Variants in DBT observed in about 807,000 individuals in gnomAD.
DBT encodes the protein dihydrolipoamide branched chain transacylase E2, also known as lipoamide acyltransferase component of branched-chain alpha-keto acid dehydrogenase complex, mitochondrial.
Under a neutral mutation model 51.3 loss-of-function variants are expected in DBT, and 40 were observed. That is an observed-to-expected ratio of 0.78 (90% confidence interval 0.61 to 1.02). The LOEUF is 1.02. Among genes scored for constraint, DBT ranks in the 50% least tolerant of loss-of-function variants. The probability of loss-of-function intolerance (pLI) is 0.00; values close to 1 mark genes in which losing one functional copy is unlikely to be tolerated. For missense variants in DBT, 510 were observed against 580.2 expected, an observed-to-expected ratio of 0.88 and a Z score of 1.24; for synonymous variants, 181 against 190.4, an observed-to-expected ratio of 0.95 and a Z score of 0.41.
At position 100,206,242 on chromosome 1, in the gene DBT, A is replaced by G. The variant is rs760929997; in HGVS notation, c.1269T>C (p.Leu423=). 64 of 1,612,132 alleles carry G rather than the reference A, an allele frequency of 4.0e-5. No individual in the cohort carries two copies. The highest frequency in any genetic ancestry group is 5.2e-5 in the Non-Finnish European group (61 of 1,178,484). Residue 423 remains leucine, a synonymous_variant, in exon 10 of 11, where the codon CTT becomes CTC. Coordinates refer to ENST00000370132, the MANE Select transcript of DBT (RefSeq NM_001918.5). ...CTAATACATGTACCTTAATTGATCC[A>G]AGGGCCCCAATGGCTACTTCAGGTG... ...IMPPEVAIGA[L]GSIKAIPRFN...
intron 1 of DBT, among the ~76,000 whole-genome samples, chr1:100,248,867 T>C (rs886444409): frequency 1.3e-5 from 2 of 152,218 alleles, no homozygotes; most frequent in Non-Finnish European, 2.9e-5. Context: ...TGTGTGTTCC[T>C]GTAGTTCTAG....
Position 100,235,508 on chromosome 1 carries a change from A to C in DBT, c.179T>G (p.Leu60Arg). ...PHHFLKTTAA[L>R]RGQVVQFKLS... Reference sequence around the variant, plus strand: ...CTTGAACTGAACAACCTGTCCACGGAGAGCTTCAAAGACAAATGAGAAATG... The same window carrying C: ...CTTGAACTGAACAACCTGTCCACGGCGAGCTTCAAAGACAAATGAGAAATG... The change falls in exon 3 of 11, where the codon CTC (leucine) becomes CGC (arginine). Residue 60 changes from leucine to arginine, a missense_variant. Coordinates refer to ENST00000370132, the MANE Select transcript of DBT (RefSeq NM_001918.5). 2 of 1,560,476 alleles carry C rather than the reference A, an allele frequency of 1.3e-6. No individual in the cohort carries two copies. The highest frequency in any genetic ancestry group is 2.2e-5 in the South Asian group (2 of 89,192).
chr1:100,224,091 T>G (rs1663026378), intron 4 of DBT, among the ~76,000 whole-genome samples: 1 of 152,196 alleles, frequency 6.6e-6, no homozygotes, highest in South Asian at 2.1e-4. Context: ...TACTATAGAA[T>G]ATAATTAGCA....
rs996586955 is a variant in DBT, at chr1:100,194,266, C to T, written c.*1989G>A. 1.3e-5 allele frequency: 2 copies of T among 151,912 alleles called. No homozygotes were observed. Among genetic ancestry groups the T allele is most frequent in the Admixed American group, 6.6e-5 (1 of 15,236 alleles). The allele number at this position is 151,912 out of a possible 1,614,324, so 9.4% of individuals were successfully genotyped here. A position where few individuals can be genotyped will look rare whatever the true frequency, so the allele number is the denominator to read the frequency against. On this transcript the variant is annotated 3_prime_UTR_variant, in exon 11 of 11. Transcript: ENST00000370132. ...CACTACAGCTTTGAACTCCTGGGCTCAATTGATCCTCTTGTCTCAGCTTCC... is the reference window on the plus strand; with the variant it reads ...CACTACAGCTTTGAACTCCTGGGCTTAATTGATCCTCTTGTCTCAGCTTCC...
In DBT at chr1:100,195,549, T is replaced by C. The variant is rs556974426; in HGVS notation, c.*706A>G. Reference sequence around the variant, plus strand: ...CATAATAACGGAAATGGAAAATATTTTTGTATATAAATTCCATTTCTTAAT... The same window carrying C: ...CATAATAACGGAAATGGAAAATATTCTTGTATATAAATTCCATTTCTTAAT... On this transcript the variant is annotated 3_prime_UTR_variant, in exon 11 of 11. Transcript: ENST00000370132. 1 of 152,378 alleles carries C rather than the reference T, an allele frequency of 6.6e-6. No homozygotes were observed. Among genetic ancestry groups the C allele is most frequent in the East Asian group, 1.9e-4 (1 of 5,196 alleles). 9.4% of individuals were successfully genotyped at this position (152,378 alleles called of 1,614,324 possible). A position where few individuals can be genotyped will look rare whatever the true frequency, so the allele number is the denominator to read the frequency against.
intron 1 of DBT, 131 bp downstream of exon 1, chr1:100,249,639 A>C: frequency 1.1e-6 from 1 of 890,458 alleles, no homozygotes; most frequent in Non-Finnish European, 1.9e-6. Flanking sequence ...TTTATTTTGC[A>C]TGCATCCCTT....
At chr1:100,201,775 T>C (rs1411209394) in intron 10 of DBT, among the ~76,000 whole-genome samples, 1 of 152,138 alleles carries the variant, frequency 6.6e-6, no homozygotes, top group Non-Finnish European at 1.5e-5. Context: ...AAAAGAATTT[T>C]CACCCCAGAA....
chr1:100,225,826 C>CAAAAAAAAAAA (rs71084809), intron 4 of DBT, among the ~76,000 whole-genome samples: 1 of 86,880 alleles, frequency 1.2e-5, no homozygotes. Flanking sequence ...CTCCATCTCA[C>CAAAAAAAAAAA]AAAAAAAAAA....
Position 100,188,687 on chromosome 1 carries a change from T to C in DBT, c.*7568A>G, listed in dbSNP as rs1660680554. 6.6e-6 allele frequency: 1 copy of C among 152,276 alleles called. No homozygotes were observed. The highest frequency in any genetic ancestry group is 2.4e-5 in the African/African-American group (1 of 41,454). The allele number at this position is 152,276 out of a possible 1,614,324, so 9.4% of individuals were successfully genotyped here. ...CTCATTTCTTCTGTCCTGTCTCTTG[T>C]TGAGTCACAACAGCTGTTCCCCATG... On this transcript the variant is annotated 3_prime_UTR_variant, in exon 11 of 11. Coordinates refer to ENST00000370132, the MANE Select transcript of DBT (RefSeq NM_001918.5).
At position 100,230,815 on chromosome 1, in the gene DBT, G is replaced by A. The variant is rs767953425; in HGVS notation, c.351C>T (p.Val117=). ...CTAGATTATAATAGAGTTTTTTAAT[G>A]ACTCCATCATAACGACTAGTGATGG... ...SVTITSRYDG[V]IKKLYYNLDD... is the part of the protein sequence containing the mutation. The change falls in exon 4 of 11, where the codon GTC becomes GTT. Residue 117 remains valine, a synonymous_variant. Transcript: ENST00000370132. 2 of 1,606,772 alleles carry A rather than the reference G, an allele frequency of 1.2e-6. No homozygotes were observed. The highest frequency in any genetic ancestry group is 4.5e-5 in the East Asian group (2 of 44,732).
chr1:100,238,958 C>G (rs1014262547), intron 2 of DBT, among the ~76,000 whole-genome samples: 1 of 152,078 alleles, frequency 6.6e-6, no homozygotes, highest in African/African-American at 2.4e-5. Flanking sequence ...GAAGAGAAAC[C>G]TTAATAAGTA....
chr1:100,210,871 C>CT, intron 7 of DBT, 100 bp from the exon 8 acceptor site: 2 of 1,569,882 alleles, frequency 1.3e-6, no homozygotes, highest in Non-Finnish European at 1.7e-6. Context: ...AGAGAGAACT[C>CT]TTATTTATGC....
chr1:100,227,899 A>C (rs1663312394), intron 4 of DBT, among the ~76,000 whole-genome samples: 1 of 151,606 alleles, frequency 6.6e-6, no homozygotes, highest in East Asian at 1.9e-4. Context: ...CCCAGGCTGG[A>C]GTGCAGGGGC....
intron 7 of DBT, among the ~76,000 whole-genome samples, chr1:100,214,609 C>G (rs1662373234): frequency 6.6e-6 from 1 of 152,114 alleles, no homozygotes. Context: ...ACAAAATTAG[C>G]CAGGCGTGGT....
rs187285564 is a variant in DBT, at chr1:100,208,156, C to A, written c.1018-1520G>T. Among the ~76,000 whole-genome samples the A allele has an allele frequency of 9.2e-3, 1,403 of 151,914 alleles. 22 individuals are homozygous for A. The highest frequency in any genetic ancestry group is 0.033 in the African/African-American group (1,351 of 41,432). Reference sequence around the variant, plus strand: ...TCTCCAAAACAAAAACAAAAAAAAACAAATCCAACTTTGTTTCATGCACAA... The same window carrying A: ...TCTCCAAAACAAAAACAAAAAAAAAAAAATCCAACTTTGTTTCATGCACAA... On this transcript the variant is annotated intron_variant, in intron 8 of 10. Coordinates refer to ENST00000370132, the MANE Select transcript of DBT (RefSeq NM_001918.5).
intron 2 of DBT, among the ~76,000 whole-genome samples, chr1:100,237,827 G>A (rs930289226): frequency 6.6e-6 from 1 of 151,920 alleles, no homozygotes; most frequent in Non-Finnish European, 1.5e-5. Context: ...TTATAGAGGT[G>A]AGGTCTCACT....
intron 3 of DBT, among the ~76,000 whole-genome samples, 186 bp downstream of exon 3, chr1:100,235,250 C>T (rs1421543945): frequency 2.6e-5 from 4 of 152,132 alleles, no homozygotes; most frequent in Non-Finnish European, 5.9e-5. Context: ...CAAAGTCCTT[C>T]ACCACTATAT....
chr1:100,226,283 C>CTTTTT (rs71084810), intron 4 of DBT, among the ~76,000 whole-genome samples: 2 of 86,656 alleles, frequency 2.3e-5, no homozygotes, highest in African/African-American at 4.2e-5. Context: ...TAAATTATGC[C>CTTTTT]TTTTTTTTTT....
intron 8 of DBT, among the ~76,000 whole-genome samples, chr1:100,209,289 G>A (rs1170163603): frequency 1.3e-5 from 2 of 151,632 alleles, no homozygotes; most frequent in East Asian, 3.9e-4. Context: ...TAGAGATGGG[G>A]CCTCCTAACT....
Sources: allele counts gnomAD v4.1 joint callset (sites outside exome capture counted in the v4.1 genomes callset), GRCh38; gene constraint gnomAD v4.1.1; transcripts MANE v1.5; gene names NCBI Gene and HGNC (gene_info 2026-07-23, HGNC 2026-07-21).